The following GPC6 variants were observed in gnomAD, a reference collection of about 807,000 sequenced individuals.
The protein encoded by GPC6 is glypican 6.
GPC6 carries 14 observed loss-of-function variants against 55.2 expected under a neutral mutation model. The ratio of observed to expected loss-of-function variants is 0.25; its 90% CI spans 0.17 to 0.40. The LOEUF (loss-of-function observed/expected upper bound fraction) is 0.40. Among genes scored for constraint, GPC6 ranks in the 10% least tolerant of loss-of-function variants. The pLI, the probability that GPC6 is intolerant of heterozygous loss-of-function variation, is 1.00. For synonymous variants in GPC6, 278 were observed against 259.6 expected (o/e 1.07, Z -0.68); for missense variants, 641 against 708.5 (o/e 0.90, Z 1.08).
intron 3 of GPC6, among the ~76,000 whole-genome samples, chr13:93,878,447 G>A (rs560672417): frequency 3.8e-4 from 58 of 151,144 alleles, no homozygotes; most frequent in Non-Finnish European, 8.1e-4. Context: ...CACCATCTTG[G>A]CTCACTACAA....
At chr13:94,009,031 T>C (rs1882135349) in intron 3 of GPC6, among the ~76,000 whole-genome samples, 1 of 152,216 alleles carries the variant, frequency 6.6e-6, no homozygotes, top group Non-Finnish European at 1.5e-5. Context: ...GCTAAGATAT[T>C]CCTTCAGATT....
At chr13:93,364,349 T>C (rs2139182329) in intron 1 of GPC6, among the ~76,000 whole-genome samples, 1 of 152,224 alleles carries the variant, frequency 6.6e-6, no homozygotes, top group African/African-American at 2.4e-5. Flanking sequence ...AGAATGTATG[T>C]TATCTATCCA....
At chr13:94,097,412 CAGG>C (rs1885703282) in intron 4 of GPC6, among the ~76,000 whole-genome samples, 1 of 146,864 alleles carries the variant, frequency 6.8e-6, no homozygotes, top group South Asian at 2.1e-4. Context: ...GAGGCTGAGG[CAGG>C]AGAATGGCGT....
intron 2 of GPC6, among the ~76,000 whole-genome samples, chr13:93,775,944 G>T (rs749746553): frequency 2.6e-5 from 4 of 152,010 alleles, no homozygotes; most frequent in Non-Finnish European, 5.9e-5. Context: ...AAAATGATTG[G>T]CTTTTTAAAA....
At chr13:93,277,739 TC>T (rs1877805729) in intron 1 of GPC6, among the ~76,000 whole-genome samples, 1 of 152,196 alleles carries the variant, frequency 6.6e-6, no homozygotes, top group Admixed American at 6.5e-5. Flanking sequence ...GTGGTAAATA[TC>T]TTTTCAATGT....
chr13:93,332,224 C>T (rs1393828073), intron 1 of GPC6, among the ~76,000 whole-genome samples: 3 of 150,880 alleles, frequency 2.0e-5, no homozygotes, highest in African/African-American at 7.3e-5. Context: ...CCATACCCAG[C>T]AATAGGATTG....
At chr13:93,802,209 T>C (rs1478763985) in intron 2 of GPC6, among the ~76,000 whole-genome samples, 1 of 152,160 alleles carries the variant, frequency 6.6e-6, no homozygotes. Context: ...TTATCTTCTG[T>C]CATCTTGTTC....
intron 7 of GPC6, among the ~76,000 whole-genome samples, chr13:94,389,012 C>T (rs114419204): frequency 0.028 from 4,219 of 152,240 alleles, 90 homozygotes; most frequent in African/African-American, 0.047. Flanking sequence ...AGAAAGACAG[C>T]CTAGTCGTCT....
intron 2 of GPC6, among the ~76,000 whole-genome samples, chr13:93,794,550 A>T (rs925007760): frequency 8.5e-5 from 13 of 152,258 alleles, no homozygotes; most frequent in Admixed American, 7.2e-4. Flanking sequence ...AAAGACAGGA[A>T]GAGTTTCCAC....
chr13:94,337,339 T>G (rs1388757911), intron 6 of GPC6, among the ~76,000 whole-genome samples: 1 of 152,206 alleles, frequency 6.6e-6, no homozygotes, highest in East Asian at 1.9e-4. Context: ...TAAATTTTAT[T>G]TCATCTAAAT....
intron 2 of GPC6, among the ~76,000 whole-genome samples, chr13:93,600,418 T>G (rs1594301199): frequency 6.6e-6 from 1 of 152,322 alleles, no homozygotes; most frequent in South Asian, 2.1e-4. Context: ...TTTGGCTGCA[T>G]CTTAAGTTAC....
intron 1 of GPC6, among the ~76,000 whole-genome samples, chr13:93,541,135 A>T (rs1383984609): frequency 6.8e-6 from 1 of 147,416 alleles, no homozygotes; most frequent in African/African-American, 2.5e-5. Flanking sequence ...CTAACTCGTC[A>T]TTTAGCATTA....
intron 2 of GPC6, among the ~76,000 whole-genome samples, chr13:93,724,668 A>G (rs1566504952): frequency 6.6e-6 from 1 of 152,018 alleles, no homozygotes; most frequent in Admixed American, 6.6e-5. Context: ...TAAAGATTCA[A>G]CACACCTTTT....
intron 3 of GPC6, among the ~76,000 whole-genome samples, chr13:93,859,269 C>A (rs568265455): frequency 2.2e-3 from 327 of 151,614 alleles, no homozygotes; most frequent in African/African-American, 7.4e-3. Context: ...GTACCATTTT[C>A]TTTAGGGAAT....
intron 1 of GPC6, among the ~76,000 whole-genome samples, chr13:93,435,794 A>G (rs1467025658): frequency 1.3e-5 from 2 of 152,174 alleles, no homozygotes; most frequent in Admixed American, 1.3e-4. Context: ...GCAAGGATCA[A>G]ATACGGAAAT....
intron 1 of GPC6, among the ~76,000 whole-genome samples, chr13:93,511,666 T>C (rs149960122): frequency 8.3e-4 from 126 of 152,196 alleles, no homozygotes; most frequent in African/African-American, 3.0e-3. Context: ...GGAGTCTGGT[T>C]CCATATGAAT....
At chr13:94,344,997 C>G (rs1264280055) in intron 6 of GPC6, among the ~76,000 whole-genome samples, 1 of 152,108 alleles carries the variant, frequency 6.6e-6, no homozygotes, top group East Asian at 1.9e-4. Flanking sequence ...AATATGGGCT[C>G]CTAGCAGTCA....
chr13:93,410,337 T>C (rs946243064), intron 1 of GPC6, among the ~76,000 whole-genome samples: 1 of 152,192 alleles, frequency 6.6e-6, no homozygotes, highest in Non-Finnish European at 1.5e-5. Flanking sequence ...TCAGTATTCA[T>C]TTATCATTAT....
chr13:93,860,371 A>G (rs943094823), intron 3 of GPC6, among the ~76,000 whole-genome samples: 11 of 151,704 alleles, frequency 7.3e-5, no homozygotes, highest in African/African-American at 2.7e-4. Context: ...ACAAGGAGGT[A>G]CATTAAATTG....
Sources: allele counts gnomAD v4.1 joint callset (sites outside exome capture counted in the v4.1 genomes callset), GRCh38; gene constraint gnomAD v4.1.1; transcripts MANE v1.5; gene names NCBI Gene and HGNC (gene_info 2026-07-23, HGNC 2026-07-21).